Variants in MAOB observed in about 807,000 individuals in gnomAD.
MAOB encodes the protein amine oxidase [flavin-containing] B.
A neutral mutation model predicts 41.9 loss-of-function variants in MAOB; 15 were observed. The observed-to-expected ratio is 0.36, with a 90% confidence interval of 0.24 to 0.55. The LOEUF is 0.55. MAOB is among the 20% of genes least tolerant of loss of function. The pLI, the probability that MAOB is intolerant of heterozygous loss-of-function variation, is 0.86. For synonymous variants in MAOB, 167 were observed against 144.2 expected, an observed-to-expected ratio of 1.16 and a Z score of -1.13; for missense variants, 345 against 398.7, an observed-to-expected ratio of 0.87 and a Z score of 1.15.
chrX:43,772,885 C>T (rs1279742259), intron 12 of MAOB, among the ~76,000 whole-genome samples: 1 of 111,883 alleles, frequency 8.9e-6, no homozygotes, highest in African/African-American at 3.3e-5. Context: ...TGTGACTTGC[C>T]TGTTCTCACT....
At chrX:43,823,880 T>C (rs2239450) in intron 3 of MAOB, among the ~76,000 whole-genome samples, 2,295 of 112,067 alleles carry the variant, frequency 0.02, 61 homozygotes, top group South Asian at 0.18. Context: ...CTACTTCCCA[T>C]ACCATTCTTA....
chrX:43,781,045 C>G (rs915919093), intron 9 of MAOB, among the ~76,000 whole-genome samples: 42 of 110,827 alleles, frequency 3.8e-4, no homozygotes, highest in African/African-American at 1.2e-3. Context: ...CTCTTCTCTA[C>G]TGGGACTCAG....
intron 3 of MAOB, among the ~76,000 whole-genome samples, chrX:43,817,013 T>C (rs146757593): frequency 0.02 from 2,212 of 111,568 alleles, 60 homozygotes; most frequent in South Asian, 0.18. Context: ...GGTCTTCTAG[T>C]GTAGGATTTC....
intron 14 of MAOB, among the ~76,000 whole-genome samples, chrX:43,768,425 T>G (rs781332020): frequency 3.6e-5 from 4 of 111,133 alleles, no homozygotes; most frequent in Non-Finnish European, 7.5e-5. Flanking sequence ...CATCAAAAAA[T>G]ATTTTTTCCT....
chrX:43,870,194 T>A, intron 1 of MAOB, among the ~76,000 whole-genome samples: 1 of 112,407 alleles, frequency 8.9e-6, no homozygotes, highest in Non-Finnish European at 1.9e-5. Context: ...AACTTCTGTA[T>A]CCAGTCTTCA....
intron 1 of MAOB, among the ~76,000 whole-genome samples, chrX:43,872,386 T>G (rs1192266345): frequency 9.0e-6 from 1 of 111,541 alleles, no homozygotes; most frequent in African/African-American, 3.3e-5. Context: ...TGGGGGATCG[T>G]TGGGTGGGGA....
chrX:43,875,125 G>A (rs180784872), intron 1 of MAOB, among the ~76,000 whole-genome samples: 4 of 111,998 alleles, frequency 3.6e-5, no homozygotes, highest in African/African-American at 1.3e-4. Context: ...AAAACAGAAA[G>A]TAGAAATAGT....
At chrX:43,810,726 G>A (rs2034736968) in intron 3 of MAOB, among the ~76,000 whole-genome samples, 1 of 111,914 alleles carries the variant, frequency 8.9e-6, no homozygotes, top group Non-Finnish European at 1.9e-5. Context: ...ATAGCTGTAT[G>A]AATACAGGCA....
chrX:43,781,357 C>A lies in MAOB; in HGVS notation c.1025+91G>T, dbSNP rs1236706467. ...TAATACCACTGGGTAAAAAAAAAAT[C>A]ACTTAACAAAGTTTGGGGCACATTT... On this transcript the variant is annotated intron_variant, in intron 9 of 14. Transcript: ENST00000378069. 2.4e-5 allele frequency: 11 copies of A among 450,032 alleles called. No homozygotes were observed. In the East Asian group the frequency reaches 4.4e-4, roughly 18 times the overall value. The allele number at this position is 450,032 out of a possible 1,213,427, so 37.1% of individuals were successfully genotyped here.
At chrX:43,778,981 G>A (rs1295417876) in intron 10 of MAOB, among the ~76,000 whole-genome samples, 2 of 111,876 alleles carry the variant, frequency 1.8e-5, no homozygotes, top group African/African-American at 6.5e-5. Flanking sequence ...AAAGTGACAT[G>A]TTGCCTGAAT....
In MAOB at chrX:43,767,454, C is replaced by T. The variant is rs1484230123; in HGVS notation, c.*12G>A. On this transcript the variant is annotated 3_prime_UTR_variant, in exon 15 of 15. Coordinates refer to ENST00000378069, the MANE Select transcript of MAOB (RefSeq NM_000898.5). ...AGTAAGAAGAGAGTGTGATTACAGA[C>T]ACCCTCTCTCTTTAGACTCTCACAA... The T allele has an allele frequency of 8.3e-7, 1 of 1,200,432 alleles. No homozygotes were observed. The highest frequency in any genetic ancestry group is 1.7e-5 in the African/African-American group (1 of 57,494).
intron 3 of MAOB, among the ~76,000 whole-genome samples, chrX:43,826,521 C>A (rs1440923397): frequency 8.9e-6 from 1 of 112,185 alleles, no homozygotes; most frequent in Admixed American, 9.5e-5. Flanking sequence ...TTGCCTTAGT[C>A]CATTTTGTAT....
chrX:43,870,601 C>T (rs12845568), intron 1 of MAOB, among the ~76,000 whole-genome samples: 3 of 109,045 alleles, frequency 2.8e-5, no homozygotes, highest in Admixed American at 9.8e-5. Context: ...CGAGACCATC[C>T]CGGCTAACAT....
At chrX:43,860,246 T>C (rs1602031498) in intron 1 of MAOB, among the ~76,000 whole-genome samples, 1 of 112,236 alleles carries the variant, frequency 8.9e-6, no homozygotes, top group Non-Finnish European at 1.9e-5. Context: ...ACCAGTTCCA[T>C]AGCCTTGAAA....
At chrX:43,875,778 T>C (rs1197022377) in intron 1 of MAOB, among the ~76,000 whole-genome samples, 1 of 111,044 alleles carries the variant, frequency 9.0e-6, no homozygotes, top group Non-Finnish European at 1.9e-5. Flanking sequence ...TTGAGAATTC[T>C]AGGAGTTAGC....
At chrX:43,843,164 C>T (rs1239359476) in intron 2 of MAOB, among the ~76,000 whole-genome samples, 1 of 110,402 alleles carries the variant, frequency 9.1e-6, no homozygotes, top group Non-Finnish European at 1.9e-5. Flanking sequence ...TCACATTATA[C>T]TCCATAAATG....
intron 3 of MAOB, among the ~76,000 whole-genome samples, chrX:43,808,697 TAGAC>T (rs1174907128): frequency 7.7e-5 from 7 of 91,487 alleles, no homozygotes; most frequent in Non-Finnish European, 1.3e-4. Context: ...TATCTACACA[TAGAC>T]ACACACACAC....
chrX:43,802,737 T>G (rs935514720), intron 4 of MAOB, among the ~76,000 whole-genome samples: 1 of 106,727 alleles, frequency 9.4e-6, no homozygotes, highest in Non-Finnish European at 1.9e-5. Context: ...AATGAAAACA[T>G]ATGGACACAG....
At chrX:43,826,874 T>C (rs750648097) in intron 3 of MAOB, among the ~76,000 whole-genome samples, 1 of 112,170 alleles carries the variant, frequency 8.9e-6, no homozygotes, top group Admixed American at 9.5e-5. Flanking sequence ...ACTGTTGCAC[T>C]GGGGATTAAG....
Sources: gnomAD v4.1 joint callset for allele counts (sites outside exome capture counted in the v4.1 genomes callset) on GRCh38, gnomAD v4.1.1 for gene constraint, MANE v1.5 for transcripts, NCBI Gene and HGNC (gene_info 2026-07-23, HGNC 2026-07-21) for gene names.